The following PCCA variants were observed in gnomAD, a reference collection of about 807,000 sequenced individuals.
The protein encoded by PCCA is propionyl-CoA carboxylase alpha chain, mitochondrial.
A neutral mutation model predicts 101.3 loss-of-function variants in PCCA; 74 were observed. The ratio of observed to expected loss-of-function variants is 0.73; its 90% CI spans 0.61 to 0.89. The LOEUF is 0.89. Among genes scored for constraint, PCCA ranks in the 40% least tolerant of loss-of-function variants. The pLI is 0.00. For synonymous variants in PCCA, 294 were observed against 313.6 expected (o/e 0.94, Z 0.66); for missense variants, 891 against 907.0 (o/e 0.98, Z 0.23).
chr13:100,148,692 A>C (rs1342153904), intron 4 of PCCA, among the ~76,000 whole-genome samples: 1 of 152,174 alleles, frequency 6.6e-6, no homozygotes, highest in African/African-American at 2.4e-5. Context: ...AAAACAAAAA[A>C]CAAAAAACCC....
chr13:100,365,109 A>C (rs1017161691), intron 18 of PCCA, among the ~76,000 whole-genome samples: 1 of 152,194 alleles, frequency 6.6e-6, no homozygotes, highest in Non-Finnish European at 1.5e-5. Flanking sequence ...TTTGTAGAAG[A>C]AGCAGTAGCT....
At position 100,176,559 on chromosome 13, in the gene PCCA, C is replaced by T. The variant is rs2056254231; in HGVS notation, c.468+19219C>T. ...TTTATCTTTGTGGTGCTAGTCAAAA[C>T]TTGCAGCTTAAGAGAATTTGTTCAG... On this transcript the variant is annotated intron_variant, in intron 6 of 23. Transcript: ENST00000376285. Among the ~76,000 whole-genome samples the T allele has an allele frequency of 2.0e-5, 3 of 152,268 alleles. No homozygotes were observed. The South Asian group carries it at 6.2e-4, about 32-fold the overall frequency.
At chr13:100,453,956 C>T (rs921024160) in intron 21 of PCCA, among the ~76,000 whole-genome samples, 4 of 152,242 alleles carry the variant, frequency 2.6e-5, no homozygotes, top group Middle Eastern at 3.4e-3. Context: ...CTGCAAGCTC[C>T]GCCTCCTGGG....
chr13:100,294,856 G>A (rs181233117), intron 12 of PCCA, among the ~76,000 whole-genome samples: 84 of 152,220 alleles, frequency 5.5e-4, no homozygotes, highest in African/African-American at 2.0e-3. Context: ...ACAGGTATAC[G>A]CACCTTCATC....
chr13:100,123,827 G>C (rs2049683334), intron 4 of PCCA, among the ~76,000 whole-genome samples: 1 of 152,122 alleles, frequency 6.6e-6, no homozygotes, highest in Admixed American at 6.5e-5. Context: ...TTGTTAAAGA[G>C]GGTCTCATGA....
chr13:100,186,196 T>C (rs1489785053), intron 6 of PCCA, among the ~76,000 whole-genome samples: 3 of 152,170 alleles, frequency 2.0e-5, no homozygotes, highest in Non-Finnish European at 4.4e-5. Flanking sequence ...AAATATCCAT[T>C]AGGGAAGGGC....
intron 8 of PCCA, among the ~76,000 whole-genome samples, chr13:100,253,585 T>G (rs1299434915): frequency 1.3e-5 from 2 of 152,220 alleles, no homozygotes; most frequent in Non-Finnish European, 2.9e-5. Context: ...AAAGTAGCAA[T>G]GGAAACTTTG....
chr13:100,215,720 C>A (rs1359988171), intron 7 of PCCA, among the ~76,000 whole-genome samples: 1 of 151,948 alleles, frequency 6.6e-6, no homozygotes, highest in Non-Finnish European at 1.5e-5. Context: ...TCACTGTAAC[C>A]TCCGTCCACC....
chr13:100,255,561 A>C (rs749956218), intron 8 of PCCA, among the ~76,000 whole-genome samples: 22 of 152,168 alleles, frequency 1.4e-4, no homozygotes, highest in Admixed American at 8.5e-4. Flanking sequence ...GTGATGATGC[A>C]TTGATAAAAT....
At chr13:100,225,305 T>A (rs2060087034) in intron 7 of PCCA, among the ~76,000 whole-genome samples, 1 of 152,190 alleles carries the variant, frequency 6.6e-6, no homozygotes, top group African/African-American at 2.4e-5. Flanking sequence ...TGCATTTGGT[T>A]GTAATACCTA....
At chr13:100,108,927 T>G (rs1251894372) in intron 2 of PCCA, among the ~76,000 whole-genome samples, 3 of 152,172 alleles carry the variant, frequency 2.0e-5, no homozygotes, top group African/African-American at 7.2e-5. Context: ...GAAGAAAATT[T>G]TATGTATGGA....
chr13:100,317,662 T>C (rs1295295924), intron 16 of PCCA, among the ~76,000 whole-genome samples: 6 of 152,092 alleles, frequency 3.9e-5, no homozygotes, highest in Admixed American at 3.3e-4. Context: ...CCAGGGCTCA[T>C]TGCAGTCTTA....
chr13:100,132,730 T>G (rs1183169513), intron 4 of PCCA, among the ~76,000 whole-genome samples: 1 of 152,166 alleles, frequency 6.6e-6, no homozygotes, highest in African/African-American at 2.4e-5. Context: ...TATACCAGAA[T>G]ACAATGAGAG....
intron 14 of PCCA, among the ~76,000 whole-genome samples, chr13:100,303,707 G>T (rs1031790717): frequency 1.3e-5 from 2 of 151,816 alleles, no homozygotes; most frequent in African/African-American, 2.4e-5. Context: ...TTGATTACTG[G>T]CATGAAGATG....
chr13:100,425,775 G>T, intron 20 of PCCA, 44 bp downstream of exon 20: 1 of 1,274,646 alleles, frequency 7.8e-7, no homozygotes. Context: ...CTCAAGTCCA[G>T]AATCCTTGTC....
intron 1 of PCCA, among the ~76,000 whole-genome samples, chr13:100,097,567 A>T (rs2046882031): frequency 6.6e-6 from 1 of 152,176 alleles, no homozygotes; most frequent in East Asian, 1.9e-4. Context: ...TAAAAATACA[A>T]AATTAGCCAG....
At chr13:100,135,142 C>G (rs1197888059) in intron 4 of PCCA, among the ~76,000 whole-genome samples, 3 of 151,772 alleles carry the variant, frequency 2.0e-5, no homozygotes, top group African/African-American at 4.8e-5. Flanking sequence ...ATCTGTAATC[C>G]TAGCACTTTG....
intron 17 of PCCA, 25 bp downstream of exon 17, chr13:100,330,696 G>A (rs765486369): frequency 7.7e-7 from 1 of 1,297,956 alleles, no homozygotes; most frequent in Non-Finnish European, 1.1e-6. Context: ...AAATATTTTA[G>A]TGTTTTAAAG....
At chr13:100,294,441 G>T (rs181705958) in intron 12 of PCCA, among the ~76,000 whole-genome samples, 6 of 151,758 alleles carry the variant, frequency 4.0e-5, no homozygotes, top group African/African-American at 1.2e-4. Flanking sequence ...TTCCGTTTTC[G>T]TGGTCACTCT....
Sources: allele counts gnomAD v4.1 joint callset (sites outside exome capture counted in the v4.1 genomes callset), GRCh38; gene constraint gnomAD v4.1.1; transcripts MANE v1.5; gene names NCBI Gene and HGNC (gene_info 2026-07-23, HGNC 2026-07-21).